THSD4: variants seen among roughly 807,000 people sequenced by gnomAD.
The protein encoded by THSD4 is thrombospondin type 1 domain containing 4.
A neutral mutation model predicts 119.0 loss-of-function variants in THSD4; 69 were observed. The observed-to-expected ratio is 0.58, with a 90% confidence interval of 0.48 to 0.71. The LOEUF (loss-of-function observed/expected upper bound fraction) is 0.71, where lower values mean the gene tolerates loss of function less well. Ranked by LOEUF, THSD4 falls within the 30% of genes least tolerant of loss-of-function variation. THSD4 has a pLI of 0.00. For missense variants in THSD4, 1,393 were observed against 1,391.1 expected (o/e 1.00, Z -0.02); for synonymous variants, 524 against 540.4 (o/e 0.97, Z 0.42).
intron 7 of THSD4, among the ~76,000 whole-genome samples, chr15:71,533,421 A>T (rs934164554): frequency 2.6e-5 from 4 of 152,202 alleles, no homozygotes; most frequent in Non-Finnish European, 5.9e-5. Context: ...TCAATACAGC[A>T]TACACCAATC....
chr15:71,280,727 T>G (rs1004445068), intron 6 of THSD4, among the ~76,000 whole-genome samples: 11 of 152,050 alleles, frequency 7.2e-5, no homozygotes, highest in African/African-American at 2.4e-4. Context: ...GTTCTGTCTT[T>G]CATGGTTAGT....
At chr15:71,314,961 A>G (rs1160058116) in intron 6 of THSD4, among the ~76,000 whole-genome samples, 1 of 152,142 alleles carries the variant, frequency 6.6e-6, no homozygotes, top group East Asian at 1.9e-4. Context: ...TTTTCTGGGG[A>G]TAATTTTTCT....
At chr15:71,563,753 G>A (rs11857297) in intron 7 of THSD4, among the ~76,000 whole-genome samples, 28,810 of 152,070 alleles carry the variant, frequency 0.19, 2,822 homozygotes, top group Middle Eastern at 0.24. Flanking sequence ...GCCTCAAAAA[G>A]GGTTGCTCTC....
chr15:71,306,307 CAAAAAAAAAAAA>C (rs67260180), intron 6 of THSD4, among the ~76,000 whole-genome samples: 162 of 62,940 alleles, frequency 2.6e-3, no homozygotes, highest in African/African-American at 6.0e-3. Context: ...ACTCTTGCCT[CAAAAAAAAAAAA>C]AAAAAAAAAA....
intron 7 of THSD4, among the ~76,000 whole-genome samples, chr15:71,609,860 A>AG (rs796867975): frequency 0.011 from 1,695 of 149,842 alleles, 39 homozygotes; most frequent in African/African-American, 0.04. Context: ...TCAAAAAAAA[A>AG]AAAAAAAGAA....
At chr15:71,548,873 G>T (rs1398816965) in intron 7 of THSD4, among the ~76,000 whole-genome samples, 1 of 152,196 alleles carries the variant, frequency 6.6e-6, no homozygotes, top group African/African-American at 2.4e-5. Flanking sequence ...ATGCACATAT[G>T]GTCTGGGGAG....
At chr15:71,773,891 A>T (rs1467761856) in intron 17 of THSD4, among the ~76,000 whole-genome samples, 1 of 152,262 alleles carries the variant, frequency 6.6e-6, no homozygotes, top group Non-Finnish European at 1.5e-5. Context: ...TACAATTGAT[A>T]GCATCTTAAA....
chr15:71,227,157 C>G (rs1401502898), intron 4 of THSD4, among the ~76,000 whole-genome samples: 1 of 152,228 alleles, frequency 6.6e-6, no homozygotes, highest in Non-Finnish European at 1.5e-5. Context: ...GCTTGAGTTA[C>G]TCTGATCTCA....
At chr15:71,616,602 G>A (rs939324645) in intron 7 of THSD4, among the ~76,000 whole-genome samples, 14 of 152,218 alleles carry the variant, frequency 9.2e-5, no homozygotes, top group African/African-American at 2.9e-4. Context: ...TACTCACAAT[G>A]CAGAACTGCG....
rs1431154172 is a variant in THSD4, at chr15:71,199,675, G to T, written c.100-15360G>T. 3.1e-3 allele frequency among the ~76,000 whole-genome samples: 129 copies of T among 42,060 alleles called. 7 individuals are homozygous for T. Among genetic ancestry groups the T allele is most frequent in the African/African-American group, 0.01 (122 of 12,002 alleles). The allele number at this position is 42,060 out of a possible 152,430, so 27.6% of individuals were successfully genotyped here. On this transcript the variant is annotated intron_variant, in intron 3 of 17. Coordinates refer to ENST00000261862, the MANE Select transcript of THSD4 (RefSeq NM_024817.3). Reference sequence around the variant, plus strand: ...GTGTGTGTGTGATGCATGTGTGGAGGGTGTGTGTGTGTGTGGTGTGTGTGG... The same window carrying T: ...GTGTGTGTGTGATGCATGTGTGGAGTGTGTGTGTGTGTGTGGTGTGTGTGG...
chr15:71,243,213 C>A, intron 5 of THSD4, 117 bp downstream of exon 5: 2 of 993,958 alleles, frequency 2.0e-6, no homozygotes, highest in East Asian at 2.6e-5. Flanking sequence ...GTTAACACAC[C>A]TTTTAATCTT....
intron 2 of THSD4, among the ~76,000 whole-genome samples, chr15:71,144,118 C>T (rs1016838541): frequency 3.9e-5 from 6 of 152,070 alleles, no homozygotes; most frequent in African/African-American, 1.2e-4. Context: ...AGCTGCTCAG[C>T]GGGACATTTT....
intron 7 of THSD4, among the ~76,000 whole-genome samples, chr15:71,475,871 A>G (rs1452583305): frequency 6.6e-6 from 1 of 152,242 alleles, no homozygotes. Flanking sequence ...AGGTTTTAGT[A>G]AGCTAGGATC....
intron 6 of THSD4, among the ~76,000 whole-genome samples, chr15:71,394,636 G>A (rs1156387763): frequency 6.6e-6 from 1 of 152,136 alleles, no homozygotes; most frequent in Admixed American, 6.5e-5. Flanking sequence ...TGCTTGGGAT[G>A]TCTTCCTCCC....
rs11631960 is a variant in THSD4 at position 71,642,859 on chromosome 15, G to C, written c.1153-17671G>C. Among the ~76,000 whole-genome samples the C allele has an allele frequency of 2.8e-3, 426 of 151,764 alleles. 2 individuals carry two copies. Among genetic ancestry groups the C allele is most frequent in the African/African-American group, 9.9e-3 (409 of 41,360 alleles). Reference sequence around the variant, plus strand: ...AGATATACCTAATGCTAAATGACGAGTTAATGGGTGCAGCACACCAGCATG... The same window carrying C: ...AGATATACCTAATGCTAAATGACGACTTAATGGGTGCAGCACACCAGCATG... On this transcript the variant is annotated intron_variant, in intron 7 of 17. Coordinates refer to ENST00000261862, the MANE Select transcript of THSD4 (RefSeq NM_024817.3).
chr15:71,111,498 A>C (rs1399303671), upstream of THSD4: 3 of 1,079,354 alleles, frequency 2.8e-6, no homozygotes, highest in Non-Finnish European at 4.0e-6. Flanking sequence ...GATTTTTAGA[A>C]ACAGCTCAAA....
At chr15:71,394,387 C>A (rs537712265) in intron 6 of THSD4, among the ~76,000 whole-genome samples, 4 of 151,746 alleles carry the variant, frequency 2.6e-5, no homozygotes, top group African/African-American at 9.7e-5. Flanking sequence ...ATTCTCCTGC[C>A]TCAGCCTCCT....
intron 7 of THSD4, among the ~76,000 whole-genome samples, chr15:71,643,991 C>A (rs2050918603): frequency 6.6e-6 from 1 of 152,184 alleles, no homozygotes; most frequent in Non-Finnish European, 1.5e-5. Flanking sequence ...TATCACAGTT[C>A]TTCACATTTT....
chr15:71,748,589 G>A lies in THSD4; in HGVS notation c.2410G>A (p.Glu804Lys), dbSNP rs201183617. The change falls in exon 14 of 18, where the codon GAA becomes AAA. Residue 804 changes from glutamate to lysine, a missense_variant. Physicochemically the swap from Glu to Lys is moderately conservative, Grantham distance 56 (BLOSUM62 1). Transcript: ENST00000261862. Reference protein sequence around the residue: ...AKSWFLTEWSERCSAECGAGV... With the variant: ...AKSWFLTEWSKRCSAECGAGV... ...GAGCTGGTTCCTCACCGAGTGGAGCGAAAGGGTGAGTGTGATGGCGGGCAG... is the reference window on the plus strand; with the variant it reads ...GAGCTGGTTCCTCACCGAGTGGAGCAAAAGGGTGAGTGTGATGGCGGGCAG... The A allele has an allele frequency of 2.2e-5, 36 of 1,613,902 alleles. No individual in the cohort carries two copies. Among genetic ancestry groups the A allele is most frequent in the Non-Finnish European group, 2.6e-5 (31 of 1,179,948 alleles).
Sources: allele counts gnomAD v4.1 joint callset (sites outside exome capture counted in the v4.1 genomes callset), GRCh38; gene constraint gnomAD v4.1.1; transcripts MANE v1.5; gene names NCBI Gene and HGNC (gene_info 2026-07-23, HGNC 2026-07-21).